The following SUCLG2 variants were observed in gnomAD, a reference collection of about 807,000 sequenced individuals.
SUCLG2 encodes the protein succinate-CoA ligase GDP-forming subunit beta.
SUCLG2 carries 42 observed loss-of-function variants against 47.9 expected under a neutral mutation model. The ratio of observed to expected loss-of-function variants is 0.88; its 90% CI spans 0.69 to 1.14. The LOEUF (loss-of-function observed/expected upper bound fraction) is 1.14, where lower values mean the gene tolerates loss of function less well. Among genes scored for constraint, SUCLG2 ranks in the 50% most tolerant of loss-of-function variants. The pLI is 0.00. For missense variants in SUCLG2, 571 were observed against 525.9 expected, an observed-to-expected ratio of 1.09 and a Z score of -0.84; for synonymous variants, 195 against 197.3, an observed-to-expected ratio of 0.99 and a Z score of 0.10.
intron 2 of SUCLG2, among the ~76,000 whole-genome samples, chr3:67,540,896 CA>C (rs1016400147): frequency 6.6e-6 from 1 of 152,214 alleles, no homozygotes; most frequent in Non-Finnish European, 1.5e-5. Context: ...TAGTGATACT[CA>C]GGCAAACAGG....
chr3:67,530,170 C>T (rs963605258), intron 2 of SUCLG2, among the ~76,000 whole-genome samples: 1 of 152,206 alleles, frequency 6.6e-6, no homozygotes, highest in East Asian at 1.9e-4. Flanking sequence ...TTAGAATCTG[C>T]AAACCCAGGT....
intron 9 of SUCLG2, among the ~76,000 whole-genome samples, chr3:67,407,189 T>C (rs1702833325): frequency 6.6e-6 from 1 of 152,188 alleles, no homozygotes; most frequent in Admixed American, 6.5e-5. Context: ...CAACAAGCGG[T>C]GAGCCAGATT....
At chr3:67,412,843 G>A (rs1702960056) in intron 9 of SUCLG2, among the ~76,000 whole-genome samples, 1 of 152,104 alleles carries the variant, frequency 6.6e-6, no homozygotes, top group African/African-American at 2.4e-5. Flanking sequence ...AGATGAGTGT[G>A]CCATTGTTTC....
In SUCLG2 at chr3:67,622,293, C is replaced by T. The variant is rs1342369683; in HGVS notation, c.85-12697G>A. ...AGAGGAACACATAAGAGTATGCACA[C>T]TTAAATAGAAAATAATAATAGTAAA... On this transcript the variant is annotated intron_variant, in intron 1 of 10. Coordinates refer to ENST00000307227, the MANE Select transcript of SUCLG2 (RefSeq NM_003848.4). Among the ~76,000 whole-genome samples, 6 of 152,064 alleles carry T rather than the reference C, an allele frequency of 3.9e-5. No homozygotes were observed. In the South Asian group the frequency reaches 1.2e-3, roughly 32 times the overall value.
At chr3:67,440,298 T>C in intron 9 of SUCLG2, among the ~76,000 whole-genome samples, 1 of 152,042 alleles carries the variant, frequency 6.6e-6, no homozygotes, top group East Asian at 1.9e-4. Flanking sequence ...ACCTAGGCAA[T>C]ACCATTCATG....
At chr3:67,444,265 A>G (rs1405745790) in intron 9 of SUCLG2, among the ~76,000 whole-genome samples, 5 of 30,586 alleles carry the variant, frequency 1.6e-4, no homozygotes, top group Admixed American at 7.7e-4. Flanking sequence ...CCGGCCAGCC[A>G]CCCCGTCCAG....
chr3:67,389,325 G>C (rs1218727113), intron 10 of SUCLG2, among the ~76,000 whole-genome samples: 1 of 152,158 alleles, frequency 6.6e-6, no homozygotes, highest in Non-Finnish European at 1.5e-5. Context: ...TGCAACACTG[G>C]AGAGAGTGCA....
chr3:67,446,995 C>T (rs971140792), intron 9 of SUCLG2, among the ~76,000 whole-genome samples: 1 of 152,060 alleles, frequency 6.6e-6, no homozygotes, highest in Non-Finnish European at 1.5e-5. Flanking sequence ...AAAAGGTTAA[C>T]ATTAGTTTTT....
At chr3:67,562,217 AT>A (rs1707326191) in intron 2 of SUCLG2, among the ~76,000 whole-genome samples, 1 of 152,042 alleles carries the variant, frequency 6.6e-6, no homozygotes, top group Non-Finnish European at 1.5e-5. Flanking sequence ...TCATAGTGGC[AT>A]TCCTTCATGT....
intron 9 of SUCLG2, among the ~76,000 whole-genome samples, chr3:67,407,529 G>A (rs930244802): frequency 6.6e-5 from 10 of 152,148 alleles, no homozygotes; most frequent in African/African-American, 1.9e-4. Context: ...ACATTGGTTG[G>A]AAGTGAAAAA....
intron 1 of SUCLG2, among the ~76,000 whole-genome samples, chr3:67,627,434 C>A (rs1367360169): frequency 6.6e-6 from 1 of 152,164 alleles, no homozygotes; most frequent in African/African-American, 2.4e-5. Context: ...ATCTGAACAG[C>A]ATCTTTGGGA....
intron 9 of SUCLG2, among the ~76,000 whole-genome samples, chr3:67,491,190 G>A (rs1705192662): frequency 6.8e-6 from 1 of 146,190 alleles, no homozygotes; most frequent in Non-Finnish European, 1.5e-5. Context: ...CATGGTGGCA[G>A]ACGCCTTTAG....
rs368671579 is a variant in SUCLG2, at chr3:67,498,248, G to A, written c.805C>T (p.Arg269Ter). ...TCCATAGCAAATATGTCTTTTTGTC[G>A]GAATTCTGCGTTGTCATCAAAGTTT... The part of the protein sequence containing the change: ...KINFDDNAEF[R>*]QKDIFAMDDK... Residue 269 changes from arginine to a stop codon, truncating the protein, a stop_gained, in exon 8 of 11, where the codon CGA becomes TGA. Transcript: ENST00000307227. LOFTEE classifies it high-confidence loss of function. 1.4e-5 allele frequency: 23 copies of A among 1,613,462 alleles called. No individual in the cohort carries two copies. Among genetic ancestry groups the A allele is most frequent in the African/African-American group, 4.0e-5 (3 of 74,840 alleles).
chr3:67,506,676 A>T (rs1433759839), intron 7 of SUCLG2, among the ~76,000 whole-genome samples: 2 of 152,210 alleles, frequency 1.3e-5, no homozygotes, highest in African/African-American at 2.4e-5. Context: ...CCATAGCTAC[A>T]GCTACATTTC....
chr3:67,455,763 A>G (rs1704168596), intron 9 of SUCLG2, among the ~76,000 whole-genome samples: 1 of 152,056 alleles, frequency 6.6e-6, no homozygotes, highest in East Asian at 1.9e-4. Flanking sequence ...AGGAATAAAG[A>G]TTTTCAAATA....
chr3:67,376,102 A>C, intron 10 of SUCLG2: 7 of 985,468 alleles, frequency 7.1e-6, no homozygotes, highest in Non-Finnish European at 8.4e-6. Context: ...TATTTTACTG[A>C]TGGAAGCTGA....
intron 2 of SUCLG2, among the ~76,000 whole-genome samples, chr3:67,604,897 G>T (rs746783953): frequency 1.5e-4 from 23 of 152,254 alleles, no homozygotes; most frequent in Admixed American, 4.6e-4. Context: ...GAATAAAGTA[G>T]GAAGGTAAGC....
At chr3:67,600,215 G>T (rs1303103124) in intron 2 of SUCLG2, among the ~76,000 whole-genome samples, 3 of 152,068 alleles carry the variant, frequency 2.0e-5, no homozygotes, top group Non-Finnish European at 4.4e-5. Flanking sequence ...AAAAAACATA[G>T]CTTCACACTT....
intron 9 of SUCLG2, among the ~76,000 whole-genome samples, chr3:67,431,093 C>G (rs1457929518): frequency 1.3e-5 from 2 of 152,136 alleles, no homozygotes; most frequent in Admixed American, 6.5e-5. Flanking sequence ...TCCTCCCTAA[C>G]TCATTTTAAA....
Sources: gnomAD v4.1 joint callset for allele counts (sites outside exome capture counted in the v4.1 genomes callset) on GRCh38, gnomAD v4.1.1 for gene constraint, MANE v1.5 for transcripts, NCBI Gene and HGNC (gene_info 2026-07-23, HGNC 2026-07-21) for gene names.